Variants in BNC2 observed in about 807,000 individuals in gnomAD.
BNC2 encodes basonuclin zinc finger protein 2.
A neutral mutation model predicts 76.3 loss-of-function variants in BNC2; 20 were observed. The ratio of observed to expected loss-of-function variants is 0.26; its 90% CI spans 0.18 to 0.38. BNC2 has a LOEUF of 0.38. Ranked by LOEUF, BNC2 falls within the 10% of genes least tolerant of loss-of-function variation. The pLI is 1.00. For synonymous variants in BNC2, 582 were observed against 514.8 expected, an observed-to-expected ratio of 1.13 and a Z score of -1.77; for missense variants, 1,382 against 1,399.8, an observed-to-expected ratio of 0.99 and a Z score of 0.20.
At chr9:16,616,665 G>A (rs1343297845) in intron 3 of BNC2, among the ~76,000 whole-genome samples, 1 of 150,658 alleles carries the variant, frequency 6.6e-6, no homozygotes, top group Non-Finnish European at 1.5e-5. Flanking sequence ...CTCCAGCCTG[G>A]GCAACAGAGT....
chr9:16,443,153 T>C (rs1821164955), intron 5 of BNC2, among the ~76,000 whole-genome samples: 1 of 151,458 alleles, frequency 6.6e-6, no homozygotes, highest in Non-Finnish European at 1.5e-5. Context: ...GTTTAAGGTA[T>C]AATTTAATGG....
Position 16,727,966 on chromosome 9 carries a change from C to G in BNC2, c.161G>C (p.Arg54Thr), listed in dbSNP as rs569050720. The change falls in exon 3 of 7, where the codon AGA (arginine) becomes ACA (threonine). Residue 54 changes from arginine (R) to threonine (T), a missense_variant. Arg to Thr is a moderately conservative substitution (Grantham distance 71). Around this residue, in one of 3 missense-constraint regions of BNC2, gnomAD observed 557 missense variants for 540.9 expected, o/e 1.03. Transcript: ENST00000380672. ...TGGCTCTCTGTCTCTCTGTGTCTCT[C>G]TTTCTCTCACATCCACTTCTGCCTC... ...SEEAEVDVRE[R>T]ETQRDREPKR... is the part of the protein sequence containing the mutation. 1.2e-6 allele frequency: 2 copies of G among 1,614,032 alleles called. No individual in the cohort carries two copies. The highest frequency in any genetic ancestry group is 2.2e-5 in the East Asian group (1 of 44,842).
intron 3 of BNC2, among the ~76,000 whole-genome samples, chr9:16,661,704 A>G (rs1822115713): frequency 6.6e-6 from 1 of 152,138 alleles, no homozygotes; most frequent in Admixed American, 6.5e-5. Flanking sequence ...TGTGTGTGTG[A>G]TTTGTTGTGA....
At chr9:16,598,912 A>G (rs1820168634) in intron 3 of BNC2, among the ~76,000 whole-genome samples, 1 of 152,194 alleles carries the variant, frequency 6.6e-6, no homozygotes, top group South Asian at 2.1e-4. Flanking sequence ...TTTCACTTCT[A>G]TTTCCTTAAA....
chr9:16,491,168 C>A (rs1027313968), intron 5 of BNC2, among the ~76,000 whole-genome samples: 1 of 152,076 alleles, frequency 6.6e-6, no homozygotes, highest in Non-Finnish European at 1.5e-5. Context: ...AATATTTTTA[C>A]ATTACATGTT....
intron 3 of BNC2, among the ~76,000 whole-genome samples, chr9:16,714,156 T>C (rs1823931442): frequency 1.3e-5 from 2 of 152,226 alleles, no homozygotes; most frequent in African/African-American, 4.8e-5. Flanking sequence ...TTCGTCTGTG[T>C]TACCTTTACA....
chr9:16,502,554 C>T (rs1263041880), intron 5 of BNC2, among the ~76,000 whole-genome samples: 1 of 149,506 alleles, frequency 6.7e-6, no homozygotes, highest in Non-Finnish European at 1.5e-5. Flanking sequence ...GTCTTTTTTC[C>T]CCCCCTCTTA....
chr9:16,800,041 A>G (rs1371336078), intron 1 of BNC2, among the ~76,000 whole-genome samples: 1 of 152,120 alleles, frequency 6.6e-6, no homozygotes, highest in Non-Finnish European at 1.5e-5. Flanking sequence ...CCTGGACAAC[A>G]TGGGGAAACC....
chr9:16,481,565 C>G (rs749305526), intron 5 of BNC2, among the ~76,000 whole-genome samples: 1 of 152,152 alleles, frequency 6.6e-6, no homozygotes, highest in South Asian at 2.1e-4. Context: ...CGCGAGGGTC[C>G]GCGACTTCAT....
intron 3 of BNC2, among the ~76,000 whole-genome samples, chr9:16,717,842 A>C (rs1587348388): frequency 6.6e-6 from 1 of 152,210 alleles, no homozygotes; most frequent in Non-Finnish European, 1.5e-5. Context: ...AAAGTACAGG[A>C]CTGCTGGCAC....
At chr9:16,425,765 C>T (rs1440688872) in intron 6 of BNC2, among the ~76,000 whole-genome samples, 2 of 152,190 alleles carry the variant, frequency 1.3e-5, no homozygotes, top group Non-Finnish European at 2.9e-5. Context: ...CTTTCGCATA[C>T]TAAATCTGGC....
chr9:16,816,430 G>A (rs143917050), intron 1 of BNC2, among the ~76,000 whole-genome samples: 114 of 152,272 alleles, frequency 7.5e-4, no homozygotes, highest in South Asian at 6.8e-3. Flanking sequence ...CCAGTTCTGC[G>A]CTGTTAAATA....
chr9:16,711,715 T>G (rs910402995), intron 3 of BNC2, among the ~76,000 whole-genome samples: 2 of 152,212 alleles, frequency 1.3e-5, no homozygotes, highest in African/African-American at 4.8e-5. Flanking sequence ...TCTATTATTC[T>G]GGAGAGAAGG....
chr9:16,435,106 T>C, intron 6 of BNC2: 2 of 471,260 alleles, frequency 4.2e-6, no homozygotes, highest in Non-Finnish European at 8.8e-6. Flanking sequence ...GTTTCTATAT[T>C]GGATAAATAT....
intron 5 of BNC2, among the ~76,000 whole-genome samples, chr9:16,493,650 C>T (rs1822323555): frequency 2.6e-5 from 4 of 152,136 alleles, no homozygotes; most frequent in Non-Finnish European, 4.4e-5. Flanking sequence ...CCTCAAGGAG[C>T]TTATGTGGTT....
chr9:16,665,501 A>AG, intron 3 of BNC2, among the ~76,000 whole-genome samples: 1 of 151,796 alleles, frequency 6.6e-6, no homozygotes, highest in African/African-American at 2.4e-5. Context: ...AGAGAGAGAG[A>AG]AATCACAGCA....
At chr9:16,459,235 T>C (rs553113958) in intron 5 of BNC2, among the ~76,000 whole-genome samples, 93 of 152,282 alleles carry the variant, frequency 6.1e-4, no homozygotes, top group African/African-American at 1.7e-3. Context: ...CGTTCTCCTA[T>C]AGCATGACCT....
At chr9:16,501,929 A>G (rs1822527186) in intron 5 of BNC2, among the ~76,000 whole-genome samples, 2 of 152,236 alleles carry the variant, frequency 1.3e-5, no homozygotes, top group Non-Finnish European at 2.9e-5. Flanking sequence ...AAGCCTGGGG[A>G]ATACCAAGAC....
chr9:16,672,999 G>A (rs1042593407), intron 3 of BNC2, among the ~76,000 whole-genome samples: 1 of 152,148 alleles, frequency 6.6e-6, no homozygotes, highest in Non-Finnish European at 1.5e-5. Context: ...TAATGACGCT[G>A]ACAATTTTCC....
Sources: allele counts gnomAD v4.1 joint callset (sites outside exome capture counted in the v4.1 genomes callset), GRCh38; gene constraint gnomAD v4.1.1; regional missense constraint gnomAD v4.1.1; transcripts MANE v1.5; gene names NCBI Gene and HGNC (gene_info 2026-07-23, HGNC 2026-07-21).